Variants in KCNK13 observed in about 807,000 individuals in gnomAD.
KCNK13 encodes the protein potassium two pore domain channel subfamily K member 13.
Under a neutral mutation model 23.4 loss-of-function variants are expected in KCNK13, and 12 were observed. The observed-to-expected ratio is 0.51, with a 90% CI of 0.33 to 0.83. The LOEUF is 0.83. Ranked by LOEUF, KCNK13 falls within the 40% of genes least tolerant of loss-of-function variation. The pLI is 0.02. For synonymous variants in KCNK13, 231 were observed against 229.5 expected, an observed-to-expected ratio of 1.01 and a Z score of -0.06; for missense variants, 463 against 556.3, an observed-to-expected ratio of 0.83 and a Z score of 1.69.
intron 1 of KCNK13, among the ~76,000 whole-genome samples, chr14:90,173,507 A>G (rs7146750): frequency 0.064 from 9,747 of 152,252 alleles, 1,027 homozygotes; most frequent in African/African-American, 0.22. Flanking sequence ...AGAAATATGT[A>G]CATATGGTCA....
At chr14:90,164,973 A>G (rs1596806993) in intron 1 of KCNK13, among the ~76,000 whole-genome samples, 1 of 152,220 alleles carries the variant, frequency 6.6e-6, no homozygotes, top group South Asian at 2.1e-4. Flanking sequence ...TATACATGCA[A>G]AAGGATTTAA....
intron 1 of KCNK13, among the ~76,000 whole-genome samples, chr14:90,148,650 G>A (rs1866582960): frequency 6.6e-6 from 1 of 152,230 alleles, no homozygotes; most frequent in Non-Finnish European, 1.5e-5. Flanking sequence ...CTGCGCAGTG[G>A]GAGGGATCAG....
chr14:90,141,101 C>T (rs1335058171), intron 1 of KCNK13, among the ~76,000 whole-genome samples: 1 of 152,196 alleles, frequency 6.6e-6, no homozygotes, highest in Non-Finnish European at 1.5e-5. Context: ...ACCAAGAGAG[C>T]TGGACCCTGC....
rs1206780443 is a variant in KCNK13, at chr14:90,062,781, A to C, written c.334+242A>C. On this transcript the variant is annotated intron_variant, in intron 1 of 1. Coordinates refer to ENST00000282146, the MANE Select transcript of KCNK13 (RefSeq NM_022054.4). This position sits in a 1 kb window ranked among gnomAD's most constrained non-coding sequence, Gnocchi z 4.5. The stretch of plus-strand genomic sequence containing the variant: ...GAAATGCAGTCTCAGTCCCCTCTGC[A>C]GACCTGCCGAGTCAGAATCTGCATG... 2.6e-5 allele frequency among the ~76,000 whole-genome samples: 4 copies of C among 152,206 alleles called. No homozygotes were observed. The highest frequency in any genetic ancestry group is 2.6e-4 in the Admixed American group (4 of 15,288).
chr14:90,125,116 A>T (rs1291871645), intron 1 of KCNK13, among the ~76,000 whole-genome samples: 1 of 152,142 alleles, frequency 6.6e-6, no homozygotes, highest in African/African-American at 2.4e-5. Flanking sequence ...GAAAGAAATG[A>T]TCATTTAGGA....
At chr14:90,107,734 G>A (rs1317128243) in intron 1 of KCNK13, 3 of 791,042 alleles carry the variant, frequency 3.8e-6, no homozygotes, top group Non-Finnish European at 6.9e-6. Flanking sequence ...TGTTCATCAA[G>A]CCCACCTTCC....
chr14:90,066,160 G>A (rs1385904953), intron 1 of KCNK13, among the ~76,000 whole-genome samples: 2 of 145,602 alleles, frequency 1.4e-5, no homozygotes, highest in African/African-American at 5.1e-5. Context: ...TTTTTTAGTG[G>A]AGATGGGGTT....
chr14:90,161,550 G>A (rs957618145), intron 1 of KCNK13, among the ~76,000 whole-genome samples: 3 of 152,160 alleles, frequency 2.0e-5, no homozygotes, highest in Non-Finnish European at 2.9e-5. Context: ...CTATGAAATG[G>A]GAATCAGTGT....
At chr14:90,143,006 G>A (rs765124354) in intron 1 of KCNK13, among the ~76,000 whole-genome samples, 2 of 152,158 alleles carry the variant, frequency 1.3e-5, no homozygotes, top group Non-Finnish European at 1.5e-5. Flanking sequence ...GGTTTGTTAC[G>A]TAGATTCCTC....
intron 1 of KCNK13, among the ~76,000 whole-genome samples, chr14:90,087,975 T>C (rs1010604467): frequency 6.6e-6 from 1 of 152,190 alleles, no homozygotes; most frequent in African/African-American, 2.4e-5. Flanking sequence ...CAATGCTACT[T>C]CTTGCTTAAG....
intron 1 of KCNK13, among the ~76,000 whole-genome samples, chr14:90,090,064 G>A (rs1454071960): frequency 1.3e-5 from 2 of 151,936 alleles, no homozygotes; most frequent in African/African-American, 4.9e-5. Context: ...CCTACTGGGG[G>A]CCCCTACTGG....
At chr14:90,085,627 T>C (rs1012580918) in intron 1 of KCNK13, among the ~76,000 whole-genome samples, 1 of 148,712 alleles carries the variant, frequency 6.7e-6, no homozygotes, top group Admixed American at 6.8e-5. Flanking sequence ...GCCATTGCAC[T>C]CCAGCCTGGG....
At chr14:90,074,109 A>G (rs1445687599) in intron 1 of KCNK13, among the ~76,000 whole-genome samples, 4 of 152,152 alleles carry the variant, frequency 2.6e-5, no homozygotes, top group East Asian at 1.9e-4. Flanking sequence ...AGCTGGGACT[A>G]CAGGCATGCA....
At chr14:90,115,977 G>A (rs753806741) in intron 1 of KCNK13, among the ~76,000 whole-genome samples, 4 of 152,176 alleles carry the variant, frequency 2.6e-5, no homozygotes, top group Admixed American at 6.5e-5. Context: ...GCTCCAGAAG[G>A]TTCTGTGTTT....
At chr14:90,103,409 G>A (rs1018258681) in intron 1 of KCNK13, among the ~76,000 whole-genome samples, 3 of 152,196 alleles carry the variant, frequency 2.0e-5, no homozygotes, top group Non-Finnish European at 2.9e-5. Context: ...GTGTACAAGT[G>A]TTCCCGTTTC....
intron 1 of KCNK13, among the ~76,000 whole-genome samples, chr14:90,092,933 A>G (rs1467802438): frequency 6.8e-6 from 1 of 147,344 alleles, no homozygotes; most frequent in Non-Finnish European, 1.5e-5. Flanking sequence ...AAAAAAAAAA[A>G]AGCATCACGA....
At chr14:90,176,403 A>T (rs1566652743) in intron 1 of KCNK13, among the ~76,000 whole-genome samples, 1 of 152,100 alleles carries the variant, frequency 6.6e-6, no homozygotes, top group Non-Finnish European at 1.5e-5. Context: ...GTCTTCCATC[A>T]TTGAACCCAC....
At chr14:90,117,735 C>T (rs1174922852) in intron 1 of KCNK13, among the ~76,000 whole-genome samples, 1 of 152,194 alleles carries the variant, frequency 6.6e-6, no homozygotes, top group Admixed American at 6.5e-5. Flanking sequence ...GTACTTAGTA[C>T]ATTCACAGTG....
At chr14:90,082,986 G>T (rs1402528947) in intron 1 of KCNK13, among the ~76,000 whole-genome samples, 1 of 152,006 alleles carries the variant, frequency 6.6e-6, no homozygotes, top group Non-Finnish European at 1.5e-5. Context: ...TAATATTGTG[G>T]TTTTGATTTG....
Sources: gnomAD v4.1 joint callset for allele counts (sites outside exome capture counted in the v4.1 genomes callset) on GRCh38, gnomAD v4.1.1 for gene constraint, Gnocchi (gnomAD v3.1) non-coding constraint, MANE v1.5 for transcripts, NCBI Gene and HGNC (gene_info 2026-07-23, HGNC 2026-07-21) for gene names.